The following ANAPC2 variants were observed in gnomAD, a reference collection of about 807,000 sequenced individuals.
ANAPC2 encodes the protein anaphase promoting complex subunit 2.
In ANAPC2, 29 loss-of-function variants were observed where a neutral mutation model predicts 84.3. The observed-to-expected ratio is 0.34, with a 90% confidence interval of 0.26 to 0.47. ANAPC2 has a LOEUF of 0.47. Ranked by LOEUF, ANAPC2 falls within the 20% of genes least tolerant of loss-of-function variation. ANAPC2 has a pLI of 1.00. For synonymous variants in ANAPC2, 571 were observed against 479.4 expected (o/e 1.19, Z -2.50); for missense variants, 857 against 1,131.7 (o/e 0.76, Z 3.48).
intron 7 of ANAPC2, among the ~76,000 whole-genome samples, chr9:137,181,245 C>T (rs926771339): frequency 1.3e-5 from 2 of 152,232 alleles, no homozygotes; most frequent in African/African-American, 4.8e-5. Flanking sequence ...TGTGCCAGGG[C>T]AGGGGCCAGG....
intron 10 of ANAPC2, 117 bp from the exon 11 acceptor site, chr9:137,175,954 C>G (rs1834200373): frequency 1.1e-5 from 15 of 1,334,076 alleles, no homozygotes; most frequent in Non-Finnish European, 1.4e-5. Flanking sequence ...CCACCCCACC[C>G]TGGCAGGCAG....
intron 12 of ANAPC2, 22 bp downstream of exon 12, chr9:137,175,215 C>T: frequency 6.2e-7 from 1 of 1,608,966 alleles, no homozygotes; most frequent in Non-Finnish European, 8.5e-7. Flanking sequence ...CCCCTGGCCC[C>T]CCGTGGGGCC....
chr9:137,186,171 G>A (rs1287481966), intron 3 of ANAPC2, 53 bp downstream of exon 3: 12 of 1,594,194 alleles, frequency 7.5e-6, no homozygotes, highest in South Asian at 1.1e-5. Context: ...AGGTTTGCCA[G>A]AAACCTACTC....
intron 10 of ANAPC2, among the ~76,000 whole-genome samples, chr9:137,177,472 T>C (rs918144508): frequency 2.6e-5 from 4 of 152,066 alleles, no homozygotes; most frequent in African/African-American, 9.7e-5. Flanking sequence ...TAGATCTATT[T>C]ACGTAGAGGA....
intron 4 of ANAPC2, 83 bp from the exon 5 acceptor site, chr9:137,183,874 A>T (rs1834395924): frequency 6.4e-7 from 1 of 1,555,820 alleles, no homozygotes; most frequent in Non-Finnish European, 8.7e-7. Flanking sequence ...GCGGTGTGGG[A>T]AAGGACACGT....
At chr9:137,181,606 G>A (rs1333707325) in intron 7 of ANAPC2, 75 bp downstream of exon 7, 3 of 1,401,632 alleles carry the variant, frequency 2.1e-6, no homozygotes, top group Non-Finnish European at 2.8e-6. Context: ...CTGTGACAAG[G>A]GATGAGTCCA....
chr9:137,181,582 G>A (rs1004652514), intron 7 of ANAPC2, 99 bp downstream of exon 7: 45 of 1,312,616 alleles, frequency 3.4e-5, no homozygotes, highest in Non-Finnish European at 4.5e-5. Flanking sequence ...AGCGACACCT[G>A]ACACAGCCAA....
chr9:137,175,054 G>A lies in ANAPC2; in HGVS notation c.2357C>T (p.Ala786Val), dbSNP rs1834176904. 2 of 1,606,070 alleles carry A rather than the reference G, an allele frequency of 1.2e-6. No homozygotes were observed. The highest frequency in any genetic ancestry group is 8.5e-7 in the Non-Finnish European group (1 of 1,177,184). ...CTCCTGCAGGTCAATCTCGGCCAGTGCAGGCCCAGTCACCACAAACATGCG... is the reference window on the plus strand; with the variant it reads ...CTCCTGCAGGTCAATCTCGGCCAGTACAGGCCCAGTCACCACAAACATGCG... ...MLRMFVVTGP[A>V]LAEIDLQELQ... Residue 786 changes from alanine (A) to valine (V), a missense_variant, in exon 13 of 13, where the codon GCA (alanine) becomes GTA (valine). Around this residue, in one of 3 missense-constraint regions of ANAPC2, gnomAD observed 425 missense variants for 595.5 expected, o/e 0.71. Transcript: ENST00000323927.
At position 137,187,767 on chromosome 9, in the gene ANAPC2, C is replaced by T. The variant is rs540767342; in HGVS notation, c.454G>A (p.Glu152Lys). ...MGTGAQGLRE[E>K]VHTMLRGVLF... ...ACTCCGCGCAACATAGTGTGGACTT[C>T]TTCTCGCAGCCCCTGAGCACCAGTG... The change falls in exon 2 of 13, where the codon GAA becomes AAA. Residue 152 changes from glutamate (E) to lysine (K), a missense_variant. Coordinates refer to ENST00000323927, the MANE Select transcript of ANAPC2 (RefSeq NM_013366.4). The T allele has an allele frequency of 5.6e-6, 9 of 1,613,758 alleles. No individual in the cohort carries two copies. The highest frequency in any genetic ancestry group is 2.2e-5 in the East Asian group (1 of 44,890).
rs568744371 is a variant in ANAPC2 at position 137,187,485 on chromosome 9, C to G, written c.736G>C (p.Val246Leu). 2.5e-6 allele frequency: 4 copies of G among 1,604,956 alleles called. No individual in the cohort carries two copies. The highest frequency in any genetic ancestry group is 2.2e-5 in the South Asian group (2 of 90,802). Residue 246 changes from valine (V) to leucine (L), a missense_variant, in exon 2 of 13, where the codon GTC (valine) becomes CTC (leucine). This residue lies in a region of ANAPC2 where 428 missense variants were observed against 513.8 expected (regional missense o/e 0.83). Coordinates refer to ENST00000323927, the MANE Select transcript of ANAPC2 (RefSeq NM_013366.4). Reference sequence around the variant, plus strand: ...CCATCGGGACAGACTACTCACAAGACCTGGCTGAGCTGATGGAACTGCTCC... The same window carrying G: ...CCATCGGGACAGACTACTCACAAGAGCTGGCTGAGCTGATGGAACTGCTCC... ...ALEQFHQLSQVLHRLSLLERV... is the reference protein window; with the variant it reads ...ALEQFHQLSQLLHRLSLLERV...
chr9:137,181,601 A>C (rs887751750), intron 7 of ANAPC2, 80 bp downstream of exon 7: 31 of 1,386,226 alleles, frequency 2.2e-5, no homozygotes, highest in Non-Finnish European at 2.9e-5. Flanking sequence ...AAGCTCTGTG[A>C]CAAGGGATGA....
At chr9:137,181,988 G>A (rs775535887) in intron 6 of ANAPC2, 126 bp from the exon 7 acceptor site, 42 of 1,006,184 alleles carry the variant, frequency 4.2e-5, no homozygotes, top group African/African-American at 6.5e-5. Flanking sequence ...CAGTGGTGAT[G>A]GGCTATGTAC....
At position 137,174,862 on chromosome 9, in the gene ANAPC2, G is replaced by A. The variant is rs1165490039; in HGVS notation, c.*80C>T. The A allele has an allele frequency of 4.8e-6, 7 of 1,459,276 alleles. No homozygotes were observed. Among genetic ancestry groups the A allele is most frequent in the South Asian group, 2.7e-5 (2 of 73,140 alleles). The allele number at this position is 1,459,276 out of a possible 1,614,324, so 90.4% of individuals were successfully genotyped here. ...CCTCAGCAGTGCATTCTGGGACACG[G>A]GCGGGCGGGGGCTGGCACGGGAGGA... is the stretch of plus-strand genomic sequence containing the variant. On this transcript the variant is annotated 3_prime_UTR_variant, in exon 13 of 13. Transcript: ENST00000323927. This position sits in a 1 kb window ranked among gnomAD's most constrained non-coding sequence, Gnocchi z 6.1.
intron 8 of ANAPC2, 61 bp downstream of exon 8, chr9:137,180,727 G>A (rs900620771): frequency 5.6e-5 from 89 of 1,589,164 alleles, no homozygotes; most frequent in Middle Eastern, 3.9e-4. Flanking sequence ...GCCCTGTCCC[G>A]AGAGAGGCTG....
In ANAPC2 at chr9:137,188,493, A is replaced by T; in HGVS notation, c.40T>A (p.Ser14Thr). The change falls in exon 1 of 13, where the codon TCC becomes ACC. Residue 14 changes from serine to threonine, a missense_variant. By Grantham distance (58) the Ser-to-Thr change is moderately conservative. Around this residue, in one of 3 missense-constraint regions of ANAPC2, gnomAD observed 428 missense variants for 513.8 expected, o/e 0.83. Coordinates refer to ENST00000323927, the MANE Select transcript of ANAPC2 (RefSeq NM_013366.4). ...AVVVAEGDSD[S>T]RPGQELLVAW... The stretch of plus-strand genomic sequence containing the variant: ...ACTAACAACTCCTGTCCGGGCCGGG[A>T]GTCGCTGTCCCCCTCCGCCACCACA... 6.2e-7 allele frequency: 1 copy of T among 1,610,032 alleles called. No homozygotes were observed. The highest frequency in any genetic ancestry group is 8.5e-7 in the Non-Finnish European group (1 of 1,179,500).
intron 7 of ANAPC2, 120 bp from the exon 8 acceptor site, chr9:137,181,049 G>C: frequency 7.4e-7 from 1 of 1,354,656 alleles, no homozygotes; most frequent in Non-Finnish European, 1.0e-6. Context: ...GAAGGCCCTC[G>C]AGGCTGGGAG....
At position 137,187,463 on chromosome 9, in the gene ANAPC2, T is replaced by C. The variant is rs566369905; in HGVS notation, c.740+18A>G. 3 of 1,593,418 alleles carry C rather than the reference T, an allele frequency of 1.9e-6. No homozygotes were observed. Among genetic ancestry groups the C allele is most frequent in the South Asian group, 2.2e-5 (2 of 89,762 alleles). Reference sequence around the variant, plus strand: ...ACCAGAAGGAGCAAGGGCATGGCCATCGGGACAGACTACTCACAAGACCTG... The same window carrying C: ...ACCAGAAGGAGCAAGGGCATGGCCACCGGGACAGACTACTCACAAGACCTG... On this transcript the variant is annotated intron_variant, in intron 2 of 12. Coordinates refer to ENST00000323927, the MANE Select transcript of ANAPC2 (RefSeq NM_013366.4).
rs1834434068 is a variant in ANAPC2 at position 137,185,090 on chromosome 9, G to A, written c.874-3C>T. 1 of 1,537,446 alleles carries A rather than the reference G, an allele frequency of 6.5e-7. No individual in the cohort carries two copies. Among genetic ancestry groups the A allele is most frequent in the East Asian group, 2.5e-5 (1 of 40,668 alleles). On this transcript the variant is annotated splice_polypyrimidine_tract_variant and splice_region_variant and intron_variant, in intron 3 of 12. Coordinates refer to ENST00000323927, the MANE Select transcript of ANAPC2 (RefSeq NM_013366.4). The stretch of plus-strand genomic sequence containing the variant: ...CAGCCGACCACCCGCTCGATCCACT[G>A]TCAGGAGAACGCTAGTGTGAGCTGC...
intron 2 of ANAPC2, 161 bp from the exon 3 acceptor site, chr9:137,186,517 G>A (rs1369304451): frequency 1.0e-5 from 11 of 1,103,838 alleles, no homozygotes; most frequent in South Asian, 6.8e-5. Flanking sequence ...TGTGGGGGGC[G>A]GTTGTACCAA....
Sources: allele counts gnomAD v4.1 joint callset (sites outside exome capture counted in the v4.1 genomes callset), GRCh38; gene constraint gnomAD v4.1.1; regional missense constraint gnomAD v4.1.1; non-coding constraint Gnocchi (gnomAD v3.1); transcripts MANE v1.5; gene names NCBI Gene and HGNC (gene_info 2026-07-23, HGNC 2026-07-21).